The following CXCR5 variants were observed in gnomAD, a reference collection of about 807,000 sequenced individuals.
The protein encoded by CXCR5 is C-X-C motif chemokine receptor 5.
In CXCR5, 3 loss-of-function variants were observed where a neutral mutation model predicts 5.6. The ratio of observed to expected loss-of-function variants is 0.54; its 90% CI spans 0.24 to 1.39. The LOEUF (loss-of-function observed/expected upper bound fraction) is 1.39, where lower values mean the gene tolerates loss of function less well. CXCR5 is among the 40% of genes most tolerant of loss of function. CXCR5 has a pLI of 0.16. For missense variants in CXCR5, 333 were observed against 494.6 expected, an observed-to-expected ratio of 0.67 and a Z score of 3.10; for synonymous variants, 218 against 219.9, an observed-to-expected ratio of 0.99 and a Z score of 0.08.
intron 1 of CXCR5, among the ~76,000 whole-genome samples, chr11:118,885,403 C>T (rs974413455): frequency 6.6e-6 from 1 of 152,162 alleles, no homozygotes; most frequent in African/African-American, 2.4e-5. Flanking sequence ...TGGGTGCAGG[C>T]CCCCGTGTGA....
At chr11:118,884,118 A>T (rs1216176513) in intron 1 of CXCR5, 126 bp downstream of exon 1, 1 of 955,758 alleles carries the variant, frequency 1.0e-6, no homozygotes, top group Non-Finnish European at 1.6e-6. Flanking sequence ...TAAAATCTAG[A>T]CAGGTCAGTC....
rs1262898661 is a variant in CXCR5 at position 118,894,150 on chromosome 11, C to T, written c.606C>T (p.Cys202=). 1.9e-6 allele frequency: 3 copies of T among 1,613,980 alleles called. No homozygotes were observed. In the African/African-American group the frequency reaches 4.0e-5, roughly 22 times the overall value. ...QGHHNNSLPR[C]TFSQENQAET... ...ATCACAACAACTCCCTGCCACGTTG[C>T]ACCTTCTCCCAAGAGAACCAAGCAG... The change falls in exon 2 of 2, where the codon TGC becomes TGT. Residue 202 remains cysteine (C), a synonymous_variant. Coordinates refer to ENST00000292174, the MANE Select transcript of CXCR5 (RefSeq NM_001716.5). This position sits in a 1 kb window ranked among gnomAD's most constrained non-coding sequence, Gnocchi z 6.1.
At chr11:118,891,085 AAAAC>A (rs1939800942) in intron 1 of CXCR5, among the ~76,000 whole-genome samples, 1 of 152,236 alleles carries the variant, frequency 6.6e-6, no homozygotes, top group African/African-American at 2.4e-5. Context: ...TCAAAAAACA[AAAAC>A]AAAGGCGTGT....
At position 118,893,037 on chromosome 11, in the gene CXCR5, G is replaced by A. The variant is rs1334241600; in HGVS notation, c.52-559G>A. Among the ~76,000 whole-genome samples the A allele has an allele frequency of 2.0e-5, 3 of 152,156 alleles. No homozygotes were observed. The highest frequency in any genetic ancestry group is 1.9e-4 in the East Asian group (1 of 5,200). On this transcript the variant is annotated intron_variant, in intron 1 of 1. Coordinates refer to ENST00000292174, the MANE Select transcript of CXCR5 (RefSeq NM_001716.5). The surrounding 1 kb of genome is among the most constrained non-coding windows in gnomAD (Gnocchi z 5.7). Reference sequence around the variant, plus strand: ...AGGAATAATATTACATACCTTGAGCGGGTTGTGCATATTGAACCAGATGGG... The same window carrying A: ...AGGAATAATATTACATACCTTGAGCAGGTTGTGCATATTGAACCAGATGGG...
In CXCR5 at chr11:118,884,058, A is replaced by T. The variant is rs1327782662; in HGVS notation, c.51+66A>T. The T allele has an allele frequency of 4.0e-6, 6 of 1,506,478 alleles. No homozygotes were observed. In the Admixed American group the frequency reaches 1.1e-4, roughly 27 times the overall value. The allele number at this position is 1,506,478 out of a possible 1,614,324, so 93.3% of individuals were successfully genotyped here. A position where few individuals can be genotyped will look rare whatever the true frequency, so the allele number is the denominator to read the frequency against. ...CTGGAATTCTAACATCCTTTGCCAG[A>T]GTCCGAGGGAGAGGGGACAGTGTGG... On this transcript the variant is annotated intron_variant, in intron 1 of 1. Transcript: ENST00000292174.
At position 118,894,758 on chromosome 11, in the gene CXCR5, G is replaced by A. The variant is rs1401514305; in HGVS notation, c.*95G>A. 73 of 1,254,714 alleles carry A rather than the reference G, an allele frequency of 5.8e-5. No individual in the cohort carries two copies. Among genetic ancestry groups the A allele is most frequent in the Non-Finnish European group, 7.3e-5 (68 of 927,652 alleles). 77.7% of individuals were successfully genotyped at this position (1,254,714 alleles called of 1,614,324 possible). ...GGAGCTGGGATCCTAAGGGCTCACC[G>A]TGGCTAAGAGTGTCCTAGGAGTATC... On this transcript the variant is annotated 3_prime_UTR_variant, in exon 2 of 2. Transcript: ENST00000292174. The surrounding 1 kb of genome is among the most constrained non-coding windows in gnomAD (Gnocchi z 6.1).
rs763529010 is a variant in CXCR5 at position 118,894,106 on chromosome 11, G to A, written c.562G>A (p.Ala188Thr). Residue 188 changes from alanine (A) to threonine (T), a missense_variant, in exon 2 of 2, where the codon GCC (alanine) becomes ACC (threonine). Coordinates refer to ENST00000292174, the MANE Select transcript of CXCR5 (RefSeq NM_001716.5). This position sits in a 1 kb window ranked among gnomAD's most constrained non-coding sequence, Gnocchi z 6.1. ...CCTTGCCTTGCCAGAGATTCTCTTC[G>A]CCAAAGTCAGCCAAGGCCATCACAA... The part of the protein sequence containing the change: ...FLLALPEILF[A>T]KVSQGHHNNS... 19 of 1,613,822 alleles carry A rather than the reference G, an allele frequency of 1.2e-5. No individual in the cohort carries two copies. The highest frequency in any genetic ancestry group is 1.6e-4 in the Middle Eastern group (1 of 6,062).
Position 118,893,615 on chromosome 11 carries a change from T to G in CXCR5, c.71T>G (p.Leu24Trp). The change falls in exon 2 of 2, where the codon TTG (leucine) becomes TGG (tryptophan). Residue 24 changes from leucine (L) to tryptophan (W), a missense_variant. Transcript: ENST00000292174. The surrounding 1 kb of genome is among the most constrained non-coding windows in gnomAD (Gnocchi z 5.7). ...LEDLFWELDR[L>W]DNYNDTSLVE... is the part of the protein sequence containing the mutation. Reference sequence around the variant, plus strand: ...TTGCAGTTCTGGGAACTGGACAGATTGGACAACTATAACGACACCTCCCTG... The same window carrying G: ...TTGCAGTTCTGGGAACTGGACAGATGGGACAACTATAACGACACCTCCCTG... 1 of 1,599,486 alleles carries G rather than the reference T, an allele frequency of 6.3e-7. No homozygotes were observed. Among genetic ancestry groups the G allele is most frequent in the Non-Finnish European group, 8.5e-7 (1 of 1,169,964 alleles).
At chr11:118,886,899 G>A (rs372267672) in intron 1 of CXCR5, 5 of 154,626 alleles carry the variant, frequency 3.2e-5, no homozygotes, top group South Asian at 2.0e-4. Flanking sequence ...GCCCGTCCAC[G>A]TGGACCATCT....
intron 1 of CXCR5, among the ~76,000 whole-genome samples, chr11:118,890,166 C>T (rs774361984): frequency 2.9e-4 from 44 of 152,178 alleles, no homozygotes; most frequent in Non-Finnish European, 5.7e-4. Flanking sequence ...GGATCAAGGC[C>T]ATCAAGGTTA....
rs567913719 is a variant in CXCR5 at position 118,895,032 on chromosome 11, A to G, written c.*369A>G. The stretch of plus-strand genomic sequence containing the variant: ...CCAACGGAGAGCGCCTGCCCCTCCC[A>G]GAACACACTCCATCAGCTTAGGGGC... On this transcript the variant is annotated 3_prime_UTR_variant, in exon 2 of 2. Coordinates refer to ENST00000292174, the MANE Select transcript of CXCR5 (RefSeq NM_001716.5). This position sits in a 1 kb window ranked among gnomAD's most constrained non-coding sequence, Gnocchi z 4.2. The G allele has an allele frequency of 5.0e-6, 1 of 201,722 alleles. No individual in the cohort carries two copies. The highest frequency in any genetic ancestry group is 2.3e-5 in the African/African-American group (1 of 42,842). 12.5% of individuals were successfully genotyped at this position (201,722 alleles called of 1,614,324 possible). A position where few individuals can be genotyped will look rare whatever the true frequency, so the allele number is the denominator to read the frequency against.
chr11:118,894,589 T>C lies in CXCR5; in HGVS notation c.1045T>C (p.Cys349Arg). 5.2e-6 allele frequency: 8 copies of C among 1,528,334 alleles called. No homozygotes were observed. The highest frequency in any genetic ancestry group is 6.2e-6 in the Non-Finnish European group (7 of 1,137,690). The allele number at this position is 1,528,334 out of a possible 1,614,324, so 94.7% of individuals were successfully genotyped here. A position where few individuals can be genotyped will look rare whatever the true frequency, so the allele number is the denominator to read the frequency against. ...GGGCTGTACCGGCCCTGCCTCCCTG[T>C]GCCAGCTCTTCCCTAGCTGGCGCAG... ...KLGCTGPASL[C>R]QLFPSWRRSS... Residue 349 changes from cysteine (C) to arginine (R), a missense_variant, in exon 2 of 2, where the codon TGC becomes CGC. Transcript: ENST00000292174. This position sits in a 1 kb window ranked among gnomAD's most constrained non-coding sequence, Gnocchi z 6.1.
At position 118,894,003 on chromosome 11, in the gene CXCR5, C is replaced by T. The variant is rs745706377; in HGVS notation, c.459C>T (p.His153=). The T allele has an allele frequency of 1.1e-5, 18 of 1,613,632 alleles. No homozygotes were observed. The highest frequency in any genetic ancestry group is 4.4e-5 in the South Asian group (4 of 91,078). ...IAVDRYLAIV[H]AVHAYRHRRL... ...TGGACCGCTACCTGGCCATTGTCCA[C>T]GCCGTCCATGCCTACCGCCACCGCC... Residue 153 remains histidine (H), a synonymous_variant, in exon 2 of 2, where the codon CAC becomes CAT. Transcript: ENST00000292174. This position sits in a 1 kb window ranked among gnomAD's most constrained non-coding sequence, Gnocchi z 6.1.
chr11:118,885,517 C>T (rs1187694613), intron 1 of CXCR5, among the ~76,000 whole-genome samples: 3 of 152,220 alleles, frequency 2.0e-5, no homozygotes, highest in African/African-American at 7.2e-5. Flanking sequence ...GGGCAATGTG[C>T]TCCCACCCTG....
chr11:118,889,734 G>A (rs12786257), intron 1 of CXCR5, among the ~76,000 whole-genome samples: 1,691 of 152,216 alleles, frequency 0.011, 12 homozygotes, highest in Non-Finnish European at 0.017. Flanking sequence ...CTCTCTGAAC[G>A]CTGCCAGACA....
chr11:118,892,870 G>C (rs913652246), intron 1 of CXCR5, among the ~76,000 whole-genome samples: 1 of 152,194 alleles, frequency 6.6e-6, no homozygotes, highest in Non-Finnish European at 1.5e-5. Flanking sequence ...GGTTGCCAGT[G>C]ATGGGAAGTA....
rs1317574677 is a variant in CXCR5 at position 118,895,576 on chromosome 11, C to G, written c.*913C>G. 1.2e-5 allele frequency: 2 copies of G among 167,058 alleles called. No homozygotes were observed. The highest frequency in any genetic ancestry group is 4.8e-5 in the African/African-American group (2 of 41,418). 10.3% of individuals were successfully genotyped at this position (167,058 alleles called of 1,614,324 possible). On this transcript the variant is annotated 3_prime_UTR_variant, in exon 2 of 2. Transcript: ENST00000292174. This position sits in a 1 kb window ranked among gnomAD's most constrained non-coding sequence, Gnocchi z 4.2. ...GGTCCAGGGGATGGGAGGTTGTGGG[C>G]ATTGATGGGGAAGGAGGCTGGCTTG...
chr11:118,893,916 T>A lies in CXCR5; in HGVS notation c.372T>A (p.Thr124=). ...TCCTGGGGACCTTCCTCTGCAAAAC[T>A]GTGATTGCCCTGCACAAAGTCAACT... ...GWVLGTFLCK[T]VIALHKVNFY... The change falls in exon 2 of 2, where the codon ACT becomes ACA. Residue 124 remains threonine (T), a synonymous_variant. Coordinates refer to ENST00000292174, the MANE Select transcript of CXCR5 (RefSeq NM_001716.5). This position sits in a 1 kb window ranked among gnomAD's most constrained non-coding sequence, Gnocchi z 5.7. 2 of 1,614,062 alleles carry A rather than the reference T, an allele frequency of 1.2e-6. No individual in the cohort carries two copies. The highest frequency in any genetic ancestry group is 1.7e-6 in the Non-Finnish European group (2 of 1,180,028).
At position 118,894,632 on chromosome 11, in the gene CXCR5, C is replaced by T. The variant is rs781377028; in HGVS notation, c.1088C>T (p.Ser363Leu). 1.3e-6 allele frequency: 2 copies of T among 1,512,942 alleles called. No individual in the cohort carries two copies. Among genetic ancestry groups the T allele is most frequent in the Non-Finnish European group, 1.8e-6 (2 of 1,131,202 alleles). 93.7% of individuals were successfully genotyped at this position (1,512,942 alleles called of 1,614,324 possible). A position where few individuals can be genotyped will look rare whatever the true frequency, so the allele number is the denominator to read the frequency against. The change falls in exon 2 of 2, where the codon TCA becomes TTA. Residue 363 changes from serine (S) to leucine (L), a missense_variant. By Grantham distance (145) the Ser-to-Leu change is moderately radical. Transcript: ENST00000292174. This position sits in a 1 kb window ranked among gnomAD's most constrained non-coding sequence, Gnocchi z 6.1. ...PSWRRSSLSESENATSLTTF is the reference protein window; with the variant it reads ...PSWRRSSLSELENATSLTTF The stretch of plus-strand genomic sequence containing the variant: ...TGGCGCAGGAGCAGTCTCTCTGAGT[C>T]AGAGAATGCCACCTCTCTCACCACG...
Sources: allele counts gnomAD v4.1 joint callset (sites outside exome capture counted in the v4.1 genomes callset), GRCh38; gene constraint gnomAD v4.1.1; non-coding constraint Gnocchi (gnomAD v3.1); transcripts MANE v1.5; gene names NCBI Gene and HGNC (gene_info 2026-07-23, HGNC 2026-07-21).